The following SPATA7 variants were observed in gnomAD, a reference collection of about 807,000 sequenced individuals.
SPATA7 encodes the protein spermatogenesis associated 7, also known as spermatogenesis-associated protein 7.
A neutral mutation model predicts 51.8 loss-of-function variants in SPATA7; 43 were observed. The observed-to-expected ratio is 0.83, with a 90% CI of 0.65 to 1.07. The LOEUF is 1.07. SPATA7 is among the 50% of genes least tolerant of loss of function. The probability of loss-of-function intolerance (pLI) is 0.00; values close to 1 mark genes in which losing one functional copy is unlikely to be tolerated. For synonymous variants in SPATA7, 230 were observed against 252.8 expected, an observed-to-expected ratio of 0.91 and a Z score of 0.86; for missense variants, 683 against 701.3, an observed-to-expected ratio of 0.97 and a Z score of 0.30.
intron 4 of SPATA7, among the ~76,000 whole-genome samples, chr14:88,404,284 T>G (rs1032720197): frequency 2.0e-5 from 3 of 152,182 alleles, no homozygotes; most frequent in Admixed American, 2.0e-4. Flanking sequence ...TGAGCTCAAT[T>G]AAGATGCCAA....
intron 3 of SPATA7, among the ~76,000 whole-genome samples, chr14:88,395,196 G>A (rs1453370814): frequency 5.9e-5 from 9 of 152,012 alleles, no homozygotes; most frequent in Middle Eastern, 3.4e-3. Flanking sequence ...AAAAACCGTG[G>A]TATAGTTATC....
In SPATA7 at chr14:88,427,711, A is replaced by G; in HGVS notation, c.912+15A>G. On this transcript the variant is annotated intron_variant, in intron 7 of 11. Coordinates refer to ENST00000393545, the MANE Select transcript of SPATA7 (RefSeq NM_018418.5). ...ACATAAAGCAGGTAATAAGTATGAA[A>G]TCTTTTGGTATTGCTACATTTGAAT... The G allele has an allele frequency of 6.5e-7, 1 of 1,550,094 alleles. No individual in the cohort carries two copies. The highest frequency in any genetic ancestry group is 2.3e-5 in the East Asian group (1 of 44,394).
chr14:88,431,359 A>C (rs1463345396), intron 9 of SPATA7, 134 bp downstream of exon 9: 2 of 835,866 alleles, frequency 2.4e-6, no homozygotes, highest in East Asian at 4.9e-5. Context: ...GTACATATTC[A>C]TGGAGTACCT....
chr14:88,442,909 T>C (rs1054473264), downstream of SPATA7, among the ~76,000 whole-genome samples: 8 of 151,582 alleles, frequency 5.3e-5, no homozygotes, highest in Non-Finnish European at 1.2e-4. Flanking sequence ...TGAATTCATC[T>C]GGTCCTGGAA....
At chr14:88,400,464 C>A (rs1290509324) in intron 4 of SPATA7, among the ~76,000 whole-genome samples, 3 of 152,082 alleles carry the variant, frequency 2.0e-5, no homozygotes, top group Non-Finnish European at 4.4e-5. Context: ...AAACATACAA[C>A]CTTCAAAAAC....
rs375711118 is a variant in SPATA7, at chr14:88,438,030, G to C, written c.1408G>C (p.Ala470Pro). Residue 470 changes from alanine (A) to proline (P), a missense_variant, in exon 12 of 12, where the codon GCT becomes CCT. Transcript: ENST00000393545. ...IQQERQQYQK[A>P]LDMLLSAPKD... Reference sequence around the variant, plus strand: ...GCAGGAACGTCAACAATACCAAAAGGCTTTGGATATGTTATTGTCGGCACC... The same window carrying C: ...GCAGGAACGTCAACAATACCAAAAGCCTTTGGATATGTTATTGTCGGCACC... 6.2e-6 allele frequency: 10 copies of C among 1,613,908 alleles called. No individual in the cohort carries two copies. Among genetic ancestry groups the C allele is most frequent in the Admixed American group, 3.3e-5 (2 of 59,974 alleles).
At position 88,396,124 on chromosome 14, in the gene SPATA7, A is replaced by G. The variant is rs1278814888; in HGVS notation, c.191-32A>G. The stretch of plus-strand genomic sequence containing the variant: ...GTATTTGTCATTTATAAATACTGAC[A>G]ATATTATTAAACTATTACCTTTCTC... On this transcript the variant is annotated intron_variant, in intron 3 of 11. Transcript: ENST00000393545. 2.6e-6 allele frequency: 4 copies of G among 1,563,276 alleles called. No individual in the cohort carries two copies. The South Asian group carries it at 4.4e-5, about 17-fold the overall frequency.
In SPATA7 at chr14:88,416,634, A is replaced by G. The variant is rs1595241713; in HGVS notation, c.239-77A>G. The G allele has an allele frequency of 3.7e-6, 5 of 1,363,296 alleles. No homozygotes were observed. In the South Asian group the frequency reaches 6.2e-5, roughly 17 times the overall value. 84.4% of individuals were successfully genotyped at this position (1,363,296 alleles called of 1,614,324 possible). A position where few individuals can be genotyped will look rare whatever the true frequency, so the allele number is the denominator to read the frequency against. On this transcript the variant is annotated intron_variant, in intron 4 of 11. Coordinates refer to ENST00000393545, the MANE Select transcript of SPATA7 (RefSeq NM_018418.5). ...AACATTTTAACAAGAAAAATGTTCC[A>G]TTTATTACTCTAACAAGACCAAAAA... is the stretch of plus-strand genomic sequence containing the variant.
downstream of SPATA7, among the ~76,000 whole-genome samples, chr14:88,440,441 T>G (rs750728455): frequency 2.0e-5 from 3 of 152,214 alleles, no homozygotes; most frequent in Non-Finnish European, 2.9e-5. Flanking sequence ...TTAAAAATGG[T>G]TCTTGAATGT....
intron 4 of SPATA7, among the ~76,000 whole-genome samples, chr14:88,464,355 G>A (rs943219746): frequency 2.0e-5 from 3 of 152,054 alleles, no homozygotes; most frequent in African/African-American, 7.2e-5. Context: ...AACTGGAAAG[G>A]GATAGTTTTA....
rs2077402628 is a variant in SPATA7, at chr14:88,468,592, A to C, written c.255-1255A>C. ...TGCTAAGTGCTATCAGTATCTAGCT[A>C]TTTCCCTCAAGGGCTCTGGGCAGCA... On this transcript the variant is annotated intron_variant, in intron 4 of 4. Transcript: ENST00000556406. Among the ~76,000 whole-genome samples the C allele has an allele frequency of 2.0e-5, 3 of 152,270 alleles. No individual in the cohort carries two copies. In the South Asian group the frequency reaches 6.2e-4, roughly 32 times the overall value.
intron 5 of SPATA7, among the ~76,000 whole-genome samples, chr14:88,417,517 G>A (rs2076517884): frequency 6.6e-6 from 1 of 151,976 alleles, no homozygotes; most frequent in Admixed American, 6.6e-5. Context: ...TGTTGGCCAG[G>A]TTGGTCTCAA....
chr14:88,442,289 A>C (rs1236831842), downstream of SPATA7, among the ~76,000 whole-genome samples: 2 of 152,090 alleles, frequency 1.3e-5, no homozygotes, highest in Non-Finnish European at 2.9e-5. Context: ...TCCTGGGTTC[A>C]AGCGATTCTC....
chr14:88,466,788 C>G (rs1307531691), intron 4 of SPATA7: 1 of 152,154 alleles, frequency 6.6e-6, no homozygotes, highest in East Asian at 1.9e-4. Flanking sequence ...AGCTAAAATG[C>G]AAGTACCTCT....
intron 4 of SPATA7, chr14:88,467,880 G>A (rs1036373730): frequency 4.1e-6 from 2 of 489,430 alleles, no homozygotes; most frequent in Admixed American, 3.9e-5. Flanking sequence ...TGCAAGTACT[G>A]CAAACCGGAC....
chr14:88,466,002 G>A (rs1164370895), intron 4 of SPATA7: 1 of 151,232 alleles, frequency 6.6e-6, no homozygotes, highest in Non-Finnish European at 1.5e-5. Context: ...ATATGTTCTT[G>A]TCAACGAGCT....
intron 3 of SPATA7, among the ~76,000 whole-genome samples, chr14:88,450,624 C>G (rs1358985251): frequency 6.6e-6 from 1 of 152,088 alleles, no homozygotes; most frequent in Non-Finnish European, 1.5e-5. Flanking sequence ...AAGATAGGAC[C>G]CCAATCCCTT....
At chr14:88,433,285 T>G (rs1595290631) in intron 10 of SPATA7, 73 bp downstream of exon 10, 1 of 1,076,120 alleles carries the variant, frequency 9.3e-7, no homozygotes, top group East Asian at 2.5e-5. Flanking sequence ...CATATGATGT[T>G]AAAATTTTAA....
At chr14:88,438,817 C>T (rs554865155), downstream of SPATA7, among the ~76,000 whole-genome samples, 114 of 152,334 alleles carry the variant, frequency 7.5e-4, no homozygotes, top group African/African-American at 2.7e-3. Context: ...GAAATTATAA[C>T]GTGGCTGCTT....
Sources: allele counts gnomAD v4.1 joint callset (sites outside exome capture counted in the v4.1 genomes callset), GRCh38; gene constraint gnomAD v4.1.1; transcripts MANE v1.5; gene names NCBI Gene and HGNC (gene_info 2026-07-23, HGNC 2026-07-21).